The following ANXA4 variants were observed in gnomAD, a reference collection of about 807,000 sequenced individuals.
The protein encoded by ANXA4 is 35-beta calcimedin.
Under a neutral mutation model 49.8 loss-of-function variants are expected in ANXA4, and 39 were observed. The ratio of observed to expected loss-of-function variants is 0.78; its 90% CI spans 0.61 to 1.02. ANXA4 has a LOEUF of 1.02. ANXA4 is among the 50% of genes least tolerant of loss of function. The pLI is 0.00. For missense variants in ANXA4, 360 were observed against 410.1 expected, an observed-to-expected ratio of 0.88 and a Z score of 1.05; for synonymous variants, 134 against 152.5, an observed-to-expected ratio of 0.88 and a Z score of 0.89.
intron 1 of ANXA4, among the ~76,000 whole-genome samples, chr2:69,771,488 T>G (rs1671714248): frequency 6.6e-6 from 1 of 152,248 alleles, no homozygotes; most frequent in Non-Finnish European, 1.5e-5. Flanking sequence ...TTTGTTTTGA[T>G]GGGTGTTTGC....
At chr2:69,643,902 G>A, upstream of ANXA4, 2 of 1,165,736 alleles carry the variant, frequency 1.7e-6, no homozygotes, top group Non-Finnish European at 2.1e-6. Flanking sequence ...TCGACCGCGA[G>A]AAGAGGACTG....
At position 69,756,265 on chromosome 2, in the gene ANXA4, C is replaced by A. The variant is rs138600697; in HGVS notation, c.-47+14090C>A. On this transcript the variant is annotated intron_variant, in intron 1 of 12. Transcript: ENST00000394295. Reference sequence around the variant, plus strand: ...TGAATCCTAACCCTTTCCAAATAGCCCTGCCTTGGGGCGTTTTTGCTGTGC... The same window carrying A: ...TGAATCCTAACCCTTTCCAAATAGCACTGCCTTGGGGCGTTTTTGCTGTGC... 5.5e-4 allele frequency among the ~76,000 whole-genome samples: 84 copies of A among 152,270 alleles called. No individual in the cohort carries two copies. In the East Asian group the frequency reaches 9.6e-3, roughly 17 times the overall value.
chr2:69,669,586 G>C (rs2105338471), intron 2 of ANXA4, among the ~76,000 whole-genome samples: 1 of 151,666 alleles, frequency 6.6e-6, no homozygotes, highest in African/African-American at 2.4e-5. Context: ...ACTCTAGCCT[G>C]GGCGACAGAG....
chr2:69,757,460 A>C (rs1364607540), intron 1 of ANXA4, among the ~76,000 whole-genome samples: 3 of 140,004 alleles, frequency 2.1e-5, no homozygotes, highest in African/African-American at 8.1e-5. Context: ...TTTTTAGTAG[A>C]GACAGGGTTT....
chr2:69,811,804 CTT>C (rs1412885019), intron 7 of ANXA4, among the ~76,000 whole-genome samples: 1 of 152,156 alleles, frequency 6.6e-6, no homozygotes, highest in Non-Finnish European at 1.5e-5. Flanking sequence ...CCACTTTGCT[CTT>C]GTCTCCAATA....
chr2:69,774,687 G>A (rs1409158157), intron 1 of ANXA4, among the ~76,000 whole-genome samples: 1 of 152,130 alleles, frequency 6.6e-6, no homozygotes, highest in Non-Finnish European at 1.5e-5. Context: ...TGGGTAACAG[G>A]CATATTCAGC....
chr2:69,697,631 G>A (rs1678199653), intron 2 of ANXA4, among the ~76,000 whole-genome samples: 3 of 152,166 alleles, frequency 2.0e-5, no homozygotes, highest in Admixed American at 6.5e-5. Flanking sequence ...TTCTAGCTTC[G>A]GATTCAAAAA....
At chr2:69,819,399 A>T in intron 11 of ANXA4, 61 bp downstream of exon 11, 2 of 1,307,894 alleles carry the variant, frequency 1.5e-6, no homozygotes, top group Non-Finnish European at 2.2e-6. Flanking sequence ...CACCTTCTTA[A>T]GCTTACTTAT....
chr2:69,651,819 G>C (rs1297623494), intron 1 of ANXA4, among the ~76,000 whole-genome samples: 1 of 42,908 alleles, frequency 2.3e-5, no homozygotes, highest in African/African-American at 1.3e-4. Flanking sequence ...TTTTTTTTTG[G>C]GGGGGGGGGG....
intron 4 of ANXA4, among the ~76,000 whole-genome samples, chr2:69,804,872 C>A (rs1194546665): frequency 6.6e-6 from 1 of 151,474 alleles, no homozygotes; most frequent in Non-Finnish European, 1.5e-5. Flanking sequence ...ATGGTGAAAC[C>A]CCATCTCTCC....
intron 2 of ANXA4, among the ~76,000 whole-genome samples, chr2:69,703,442 C>T (rs1004963682): frequency 2.0e-5 from 3 of 152,112 alleles, no homozygotes; most frequent in African/African-American, 7.2e-5. Context: ...CACGAGTCCC[C>T]GGCAACCACT....
At chr2:69,716,697 G>A (rs968276319) in intron 2 of ANXA4, among the ~76,000 whole-genome samples, 4 of 152,124 alleles carry the variant, frequency 2.6e-5, no homozygotes, top group African/African-American at 2.4e-5. Flanking sequence ...AGGCTGCTCC[G>A]GGAATCCAGG....
At chr2:69,819,141 T>C in intron 10 of ANXA4, 139 bp from the exon 11 acceptor site, 2 of 609,882 alleles carry the variant, frequency 3.3e-6, no homozygotes, top group Non-Finnish European at 5.7e-6. Context: ...CCTATGTTCA[T>C]GAAACATTGC....
intron 2 of ANXA4, among the ~76,000 whole-genome samples, chr2:69,657,064 A>G (rs12470094): frequency 0.072 from 10,618 of 147,038 alleles, 1,109 homozygotes; most frequent in East Asian, 0.38. Context: ...GCGCAATCTC[A>G]GCACACTGCA....
intron 2 of ANXA4, 31 bp from the exon 3 acceptor site, chr2:69,788,023 T>A: frequency 6.3e-7 from 1 of 1,595,960 alleles, no homozygotes; most frequent in Non-Finnish European, 8.6e-7. Flanking sequence ...AGAGGCTGCC[T>A]CTCAGTAACA....
intron 2 of ANXA4, among the ~76,000 whole-genome samples, chr2:69,681,366 ATT>A (rs35246948): frequency 1.0e-4 from 14 of 139,188 alleles, no homozygotes; most frequent in South Asian, 2.3e-4. Flanking sequence ...TTCATTTCTG[ATT>A]TTTTTTTTTT....
intron 2 of ANXA4, among the ~76,000 whole-genome samples, chr2:69,683,663 C>G (rs1308294028): frequency 6.6e-6 from 1 of 152,160 alleles, no homozygotes; most frequent in Admixed American, 6.5e-5. Flanking sequence ...TCCATACATA[C>G]CTGCACACTC....
intron 1 of ANXA4, among the ~76,000 whole-genome samples, chr2:69,649,550 G>T (rs1414447711): frequency 7.1e-6 from 1 of 140,762 alleles, no homozygotes; most frequent in Non-Finnish European, 1.5e-5. Context: ...CTTTTTATAT[G>T]ATTAGAATGA....
chr2:69,767,802 G>A (rs1212591878), intron 1 of ANXA4, among the ~76,000 whole-genome samples: 3 of 152,150 alleles, frequency 2.0e-5, no homozygotes, highest in African/African-American at 4.8e-5. Context: ...TATGAAGAAC[G>A]AGAAAGTTTT....
Sources: allele counts gnomAD v4.1 joint callset (sites outside exome capture counted in the v4.1 genomes callset), GRCh38; gene constraint gnomAD v4.1.1; transcripts MANE v1.5; gene names NCBI Gene and HGNC (gene_info 2026-07-23, HGNC 2026-07-21).